The following GRIA4 variants were observed in gnomAD, a reference collection of about 807,000 sequenced individuals.
GRIA4 encodes the protein glutamate ionotropic receptor AMPA type subunit 4.
GRIA4 carries 34 observed loss-of-function variants against 104.0 expected under a neutral mutation model. That is an observed-to-expected ratio of 0.33 (90% CI 0.25 to 0.44). The LOEUF (loss-of-function observed/expected upper bound fraction) is 0.44. GRIA4 is among the 20% of genes least tolerant of loss of function. The pLI is 1.00. For missense variants in GRIA4, 750 were observed against 1,096.5 expected (o/e 0.68, Z 4.46); for synonymous variants, 386 against 381.9 (o/e 1.01, Z -0.13).
chr11:105,678,048 A>C (rs1248380485), intron 3 of GRIA4, among the ~76,000 whole-genome samples: 1 of 152,000 alleles, frequency 6.6e-6, no homozygotes, highest in African/African-American at 2.4e-5. Context: ...TGAAGTAGAC[A>C]CTCGATAAAT....
Position 105,862,171 on chromosome 11 carries a change from A to C in GRIA4, c.635A>C (p.Asp212Ala), listed in dbSNP as rs1426693915. 6.2e-7 allele frequency: 1 copy of C among 1,604,624 alleles called. No homozygotes were observed. Among genetic ancestry groups the C allele is most frequent in the Non-Finnish European group, 8.5e-7 (1 of 1,171,510 alleles). ...DRRQEKKFVIDCEIERLQNIL... is the reference protein window; with the variant it reads ...DRRQEKKFVIACEIERLQNIL... The stretch of plus-strand genomic sequence containing the variant: ...AGACAAGAGAAGAAGTTTGTAATAG[A>C]CTGTGAGATAGAGAGACTTCAAAAC... Residue 212 changes from aspartate (D) to alanine (A), a missense_variant, in exon 5 of 17, where the codon GAC becomes GCC. By Grantham distance (126) the Asp-to-Ala change is moderately radical (BLOSUM62 -2). This residue lies in a region of GRIA4 where 410 missense variants were observed against 502.7 expected (regional missense o/e 0.82). Transcript: ENST00000282499.
intron 14 of GRIA4, among the ~76,000 whole-genome samples, chr11:105,965,059 C>T (rs1047769815): frequency 3.9e-5 from 6 of 151,994 alleles, no homozygotes; most frequent in South Asian, 4.1e-4. Flanking sequence ...GACCGACCTC[C>T]GCCTCCCAAA....
At chr11:105,736,850 T>C (rs949080440) in intron 3 of GRIA4, among the ~76,000 whole-genome samples, 1 of 152,088 alleles carries the variant, frequency 6.6e-6, no homozygotes. Context: ...CCTTTAAGAT[T>C]AAGATTATAG....
intron 10 of GRIA4, chr11:105,912,020 G>T: frequency 1.6e-6 from 2 of 1,247,488 alleles, no homozygotes; most frequent in South Asian, 5.1e-5. Context: ...CTTCTTGGAT[G>T]ACCAACTCTG....
rs534701595 is a variant in GRIA4, at chr11:105,700,419, T to C, written c.248-52562T>C. ...CTAAACCAGAGTAGATCATCCCTAT[T>C]AGTAGTTCCAATCCCATGTGGCCCA... On this transcript the variant is annotated intron_variant, in intron 3 of 16. Coordinates refer to ENST00000282499, the MANE Select transcript of GRIA4 (RefSeq NM_000829.4). Among the ~76,000 whole-genome samples, 45 of 152,256 alleles carry C rather than the reference T, an allele frequency of 3.0e-4. 2 individuals are homozygous for C. In the South Asian group the frequency reaches 9.3e-3, roughly 32 times the overall value.
chr11:105,856,116 T>A (rs1232861443), intron 4 of GRIA4, among the ~76,000 whole-genome samples: 1 of 152,132 alleles, frequency 6.6e-6, no homozygotes, highest in Admixed American at 6.6e-5. Context: ...CTCTGCATGG[T>A]CCTAAATCTG....
intron 3 of GRIA4, among the ~76,000 whole-genome samples, chr11:105,665,535 G>A (rs1464311282): frequency 1.3e-5 from 2 of 151,960 alleles, no homozygotes; most frequent in Non-Finnish European, 2.9e-5. Context: ...GGAAGCCAGG[G>A]CATTTTATGA....
chr11:105,743,310 C>A (rs1433426114), intron 3 of GRIA4, among the ~76,000 whole-genome samples: 1 of 152,132 alleles, frequency 6.6e-6, no homozygotes, highest in Non-Finnish European at 1.5e-5. Flanking sequence ...CTGATAAAGT[C>A]TCCCAGACAA....
intron 4 of GRIA4, among the ~76,000 whole-genome samples, chr11:105,819,925 G>A (rs1943517827): frequency 6.6e-6 from 1 of 152,032 alleles, no homozygotes; most frequent in Admixed American, 6.6e-5. Flanking sequence ...AGTGTGACTA[G>A]TATCCTTATA....
intron 3 of GRIA4, among the ~76,000 whole-genome samples, chr11:105,709,404 T>G (rs557313614): frequency 6.6e-6 from 1 of 152,228 alleles, no homozygotes; most frequent in South Asian, 2.1e-4. Context: ...TCATAATTGC[T>G]GCAGGAAAGA....
At chr11:105,723,495 A>C (rs1332378015) in intron 3 of GRIA4, among the ~76,000 whole-genome samples, 3 of 152,138 alleles carry the variant, frequency 2.0e-5, no homozygotes, top group South Asian at 4.1e-4. Context: ...TAATGTTGGA[A>C]AGGACAAATT....
At chr11:105,837,174 G>C in intron 4 of GRIA4, among the ~76,000 whole-genome samples, 1 of 152,036 alleles carries the variant, frequency 6.6e-6, no homozygotes, top group East Asian at 1.9e-4. Flanking sequence ...AACAGCATGA[G>C]GGAAACCACC....
chr11:105,937,456 C>G (rs187120865), intron 14 of GRIA4, among the ~76,000 whole-genome samples: 1 of 151,966 alleles, frequency 6.6e-6, no homozygotes, highest in African/African-American at 2.4e-5. Flanking sequence ...TTCTTTGGAG[C>G]GAATCATCAT....
chr11:105,894,205 T>C (rs907951134), intron 6 of GRIA4, among the ~76,000 whole-genome samples: 2 of 152,156 alleles, frequency 1.3e-5, no homozygotes, highest in Non-Finnish European at 2.9e-5. Flanking sequence ...GCCTTTCCTA[T>C]AGATATTATG....
chr11:105,708,312 G>T (rs1242002513), intron 3 of GRIA4, among the ~76,000 whole-genome samples: 1 of 152,026 alleles, frequency 6.6e-6, no homozygotes, highest in African/African-American at 2.4e-5. Flanking sequence ...TATCAACATA[G>T]GGTGGCTGGG....
chr11:105,677,159 T>A lies in GRIA4; in HGVS notation c.247+64725T>A, dbSNP rs1304602244. 1.3e-5 allele frequency among the ~76,000 whole-genome samples: 2 copies of A among 151,822 alleles called. 1 individual carries two copies. The highest frequency in any genetic ancestry group is 6.3e-3 in the Middle Eastern group (2 of 316). ...AGTGACAACCAAGTGATCCATTTTT[T>A]AAAATTTTTATTTATCTTTAGGAAT... On this transcript the variant is annotated intron_variant, in intron 3 of 16. Transcript: ENST00000282499.
At chr11:105,921,881 G>A (rs955258230) in intron 11 of GRIA4, among the ~76,000 whole-genome samples, 1 of 151,954 alleles carries the variant, frequency 6.6e-6, no homozygotes, top group African/African-American at 2.4e-5. Flanking sequence ...AGTGATAGGA[G>A]AATTATAGAT....
chr11:105,868,593 G>A (rs972139530), intron 5 of GRIA4, among the ~76,000 whole-genome samples: 1 of 152,110 alleles, frequency 6.6e-6, no homozygotes, highest in Non-Finnish European at 1.5e-5. Flanking sequence ...TCAATTACCT[G>A]GGAGGCTTTC....
chr11:105,698,179 G>A (rs897554058), intron 3 of GRIA4, among the ~76,000 whole-genome samples: 2 of 152,112 alleles, frequency 1.3e-5, no homozygotes, highest in Admixed American at 1.3e-4. Context: ...GCAAACAAAT[G>A]AGGTTTTTAG....
Sources: allele counts gnomAD v4.1 joint callset (sites outside exome capture counted in the v4.1 genomes callset), GRCh38; gene constraint gnomAD v4.1.1; regional missense constraint gnomAD v4.1.1; transcripts MANE v1.5; gene names NCBI Gene and HGNC (gene_info 2026-07-23, HGNC 2026-07-21).